ARHGAP15: variants seen among roughly 807,000 people sequenced by gnomAD.
The protein encoded by ARHGAP15 is rho GTPase-activating protein 15.
Under a neutral mutation model 63.7 loss-of-function variants are expected in ARHGAP15, and 51 were observed. The ratio of observed to expected loss-of-function variants is 0.80; its 90% CI spans 0.64 to 1.01. ARHGAP15 has a LOEUF of 1.01. ARHGAP15 is among the 50% of genes least tolerant of loss of function. The pLI is 0.00. For synonymous variants in ARHGAP15, 191 were observed against 193.8 expected (o/e 0.99, Z 0.12); for missense variants, 560 against 564.6 (o/e 0.99, Z 0.08).
intron 11 of ARHGAP15, among the ~76,000 whole-genome samples, chr2:143,582,694 CTACTT>C (rs1696958745): frequency 6.6e-6 from 1 of 152,108 alleles, no homozygotes; most frequent in Non-Finnish European, 1.5e-5. Context: ...AAACTTTTTT[CTACTT>C]TTATTAAGCA....
intron 12 of ARHGAP15, among the ~76,000 whole-genome samples, chr2:143,669,375 G>T (rs1274611046): frequency 6.6e-6 from 1 of 152,178 alleles, no homozygotes. Flanking sequence ...CCTATACCAA[G>T]ATGGAACCCA....
chr2:143,217,604 T>C (rs7592165), intron 4 of ARHGAP15, among the ~76,000 whole-genome samples: 26,339 of 152,034 alleles, frequency 0.17, 2,483 homozygotes, highest in Middle Eastern at 0.25. Flanking sequence ...AGTGGTGAAT[T>C]GGGCTTAGAG....
chr2:143,155,650 G>A lies in ARHGAP15; in HGVS notation c.160G>A (p.Glu54Lys), dbSNP rs1690048077. The A allele has an allele frequency of 6.4e-7, 1 of 1,557,184 alleles. No individual in the cohort carries two copies. Among genetic ancestry groups the A allele is most frequent in the Non-Finnish European group, 8.6e-7 (1 of 1,157,702 alleles). ...CCTCACCGATGTCGGGAAGGTCACT[G>A]AACCTGTAAGTCAAATACCCCAAAT... is the stretch of plus-strand genomic sequence containing the variant. ...MILTDVGKVT[E>K]PISRHRRNHS... The change falls in exon 2 of 14, where the codon GAA (glutamate) becomes AAA (lysine). Residue 54 changes from glutamate to lysine, a missense_variant. Coordinates refer to ENST00000295095, the MANE Select transcript of ARHGAP15 (RefSeq NM_018460.4).
intron 2 of ARHGAP15, chr2:143,162,405 G>C (rs1489906296): frequency 6.6e-6 from 1 of 152,002 alleles, no homozygotes; most frequent in African/African-American, 2.4e-5. Flanking sequence ...AAGGCACACT[G>C]TTCCTCTGTC....
intron 12 of ARHGAP15, 145 bp downstream of exon 12, chr2:143,624,412 T>A: frequency 1.1e-6 from 1 of 938,938 alleles, no homozygotes; most frequent in Non-Finnish European, 1.4e-6. Flanking sequence ...CGTTTTTGTG[T>A]TTTGATGGCT....
intron 12 of ARHGAP15, among the ~76,000 whole-genome samples, chr2:143,630,752 C>G (rs1385839289): frequency 6.6e-6 from 1 of 152,038 alleles, no homozygotes; most frequent in African/African-American, 2.4e-5. Flanking sequence ...TGAGCATATA[C>G]TCCTTCCCAC....
At chr2:143,644,337 T>C (rs531064500) in intron 12 of ARHGAP15, among the ~76,000 whole-genome samples, 3 of 152,128 alleles carry the variant, frequency 2.0e-5, no homozygotes, top group Admixed American at 2.0e-4. Flanking sequence ...AGGACACCCA[T>C]CACATCAGGG....
chr2:143,358,584 T>C (rs1485840356), intron 6 of ARHGAP15, among the ~76,000 whole-genome samples: 1 of 151,602 alleles, frequency 6.6e-6, no homozygotes, highest in Non-Finnish European at 1.5e-5. Flanking sequence ...TTATTTTCTT[T>C]ACAAACCTGG....
intron 6 of ARHGAP15, among the ~76,000 whole-genome samples, chr2:143,278,320 C>T (rs932176562): frequency 2.0e-5 from 3 of 152,178 alleles, no homozygotes; most frequent in Admixed American, 6.5e-5. Context: ...CCCAGATGGT[C>T]TGCAGCAGGC....
At chr2:143,397,082 G>T (rs569491299) in intron 6 of ARHGAP15, among the ~76,000 whole-genome samples, 1 of 152,148 alleles carries the variant, frequency 6.6e-6, no homozygotes, top group East Asian at 1.9e-4. Flanking sequence ...AAGAGAAAAA[G>T]TCCACAGACT....
chr2:143,760,570 T>A (rs967942214), intron 13 of ARHGAP15, among the ~76,000 whole-genome samples: 2 of 152,210 alleles, frequency 1.3e-5, no homozygotes, highest in African/African-American at 4.8e-5. Context: ...AATATCACTG[T>A]AATGCCCAAT....
At chr2:143,290,714 G>A (rs1356422302) in intron 6 of ARHGAP15, among the ~76,000 whole-genome samples, 1 of 152,124 alleles carries the variant, frequency 6.6e-6, no homozygotes, top group Non-Finnish European at 1.5e-5. Context: ...CACAATGTAG[G>A]AGGAGGAACA....
chr2:143,194,185 T>C (rs1691788617), intron 2 of ARHGAP15, among the ~76,000 whole-genome samples: 1 of 152,214 alleles, frequency 6.6e-6, no homozygotes, highest in Non-Finnish European at 1.5e-5. Context: ...GAGGTATTTG[T>C]GTGGTAGTTC....
At chr2:143,377,752 T>C (rs1240584849) in intron 6 of ARHGAP15, among the ~76,000 whole-genome samples, 1 of 152,116 alleles carries the variant, frequency 6.6e-6, no homozygotes, top group African/African-American at 2.4e-5. Flanking sequence ...ATAGAACATA[T>C]GCCTTTGCAT....
chr2:143,414,274 A>G (rs1448402853), intron 6 of ARHGAP15, among the ~76,000 whole-genome samples: 1 of 151,946 alleles, frequency 6.6e-6, no homozygotes, highest in Non-Finnish European at 1.5e-5. Flanking sequence ...AATAAAACTG[A>G]AAAGCTGTTC....
chr2:143,559,127 T>C (rs1297234802), intron 11 of ARHGAP15, among the ~76,000 whole-genome samples: 2 of 152,196 alleles, frequency 1.3e-5, no homozygotes, highest in African/African-American at 4.8e-5. Flanking sequence ...AACGATATCC[T>C]GATTGGGATT....
At chr2:143,495,707 TG>T (rs1383922956) in intron 9 of ARHGAP15, among the ~76,000 whole-genome samples, 24 of 77,040 alleles carry the variant, frequency 3.1e-4, no homozygotes, top group African/African-American at 8.2e-4. Context: ...GCAACATCAT[TG>T]AGTTAAGAGA....
intron 2 of ARHGAP15, among the ~76,000 whole-genome samples, chr2:143,182,130 A>AT (rs2105071190): frequency 6.6e-6 from 1 of 151,934 alleles, no homozygotes; most frequent in Admixed American, 6.6e-5. Context: ...TGCCCACCTA[A>AT]TTTTTGTATT....
chr2:143,257,309 C>T (rs963481916), intron 6 of ARHGAP15, among the ~76,000 whole-genome samples: 2 of 152,222 alleles, frequency 1.3e-5, no homozygotes, highest in East Asian at 3.9e-4. Context: ...AGTATTAGTA[C>T]ATTTTGGTCC....
Sources: allele counts gnomAD v4.1 joint callset (sites outside exome capture counted in the v4.1 genomes callset), GRCh38; gene constraint gnomAD v4.1.1; transcripts MANE v1.5; gene names NCBI Gene and HGNC (gene_info 2026-07-23, HGNC 2026-07-21).